Variants in ARHGEF3 observed in about 807,000 individuals in gnomAD.
ARHGEF3 encodes the protein 59.8 kDA protein.
A neutral mutation model predicts 63.2 loss-of-function variants in ARHGEF3; 28 were observed. The ratio of observed to expected loss-of-function variants is 0.44; its 90% CI spans 0.33 to 0.61. The LOEUF is 0.61. Among genes scored for constraint, ARHGEF3 ranks in the 20% least tolerant of loss-of-function variants. The pLI is 0.03. For synonymous variants in ARHGEF3, 266 were observed against 254.2 expected (o/e 1.05, Z -0.44); for missense variants, 533 against 659.3 (o/e 0.81, Z 2.10).
intron 2 of ARHGEF3, among the ~76,000 whole-genome samples, chr3:56,759,412 G>T (rs1010452615): frequency 6.6e-6 from 1 of 152,102 alleles, no homozygotes; most frequent in African/African-American, 2.4e-5. Flanking sequence ...CTCGTGATCC[G>T]CCTGCCTTGG....
intron 1 of ARHGEF3, chr3:57,035,263 G>C: frequency 1.4e-6 from 1 of 698,784 alleles, no homozygotes; most frequent in East Asian, 3.0e-5. Context: ...AATACAAGGG[G>C]AATATATCAA....
At chr3:56,994,742 T>C (rs1253623119) in intron 2 of ARHGEF3, among the ~76,000 whole-genome samples, 1 of 152,006 alleles carries the variant, frequency 6.6e-6, no homozygotes, top group Non-Finnish European at 1.5e-5. Flanking sequence ...TCCAGGACAA[T>C]AGAAGAAAAT....
At chr3:56,980,661 C>A (rs1252271656) in intron 2 of ARHGEF3, among the ~76,000 whole-genome samples, 1 of 152,168 alleles carries the variant, frequency 6.6e-6, no homozygotes, top group Non-Finnish European at 1.5e-5. Context: ...CCTATTAGCC[C>A]ATTAGGAATG....
In ARHGEF3 at chr3:56,878,716, C is replaced by A. The variant is rs527736330; in HGVS notation, c.192+3576G>T. Reference sequence around the variant, plus strand: ...TTCCGGAAAGAGTTAAGTGATGCATCCCCCCAAACAATCGAGGATCCCTGT... The same window carrying A: ...TTCCGGAAAGAGTTAAGTGATGCATACCCCCAAACAATCGAGGATCCCTGT... On this transcript the variant is annotated intron_variant, in intron 4 of 12. Transcript: ENST00000338458. Among the ~76,000 whole-genome samples the A allele has an allele frequency of 5.9e-5, 9 of 152,248 alleles. No homozygotes were observed. In the East Asian group the frequency reaches 1.5e-3, roughly 26 times the overall value.
intron 1 of ARHGEF3, among the ~76,000 whole-genome samples, chr3:57,051,504 G>A (rs547720149): frequency 3.3e-5 from 5 of 152,088 alleles, no homozygotes; most frequent in Non-Finnish European, 7.4e-5. Flanking sequence ...AATAAAAAAT[G>A]TGGTTTTCTT....
chr3:56,916,311 G>A, intron 3 of ARHGEF3: 1 of 1,535,416 alleles, frequency 6.5e-7, no homozygotes, highest in Non-Finnish European at 8.7e-7. Flanking sequence ...GGGCTTACCT[G>A]CGAACGGACA....
rs1199042974 is a variant in ARHGEF3, at chr3:56,728,447, A to C, written c.*823T>G. 6.6e-6 allele frequency: 1 copy of C among 152,648 alleles called. No homozygotes were observed. The highest frequency in any genetic ancestry group is 1.5e-5 in the Non-Finnish European group (1 of 68,050). The allele number at this position is 152,648 out of a possible 1,614,324, so 9.5% of individuals were successfully genotyped here. A position where few individuals can be genotyped will look rare whatever the true frequency, so the allele number is the denominator to read the frequency against. On this transcript the variant is annotated 3_prime_UTR_variant, in exon 10 of 10. Coordinates refer to ENST00000296315, the MANE Select transcript of ARHGEF3 (RefSeq NM_019555.3). ...ATAATGAGTAGGCCTAGGCAGATGA[A>C]ACACAATGAATACAGGGCCTTCTTG...
chr3:56,986,211 G>A (rs1190120587), intron 2 of ARHGEF3, among the ~76,000 whole-genome samples: 9 of 152,172 alleles, frequency 5.9e-5, no homozygotes, highest in Non-Finnish European at 7.3e-5. Flanking sequence ...GAAGTGCAGG[G>A]TCTTTAGGGG....
At chr3:57,064,532 G>A (rs1273366767) in intron 1 of ARHGEF3, among the ~76,000 whole-genome samples, 1 of 152,086 alleles carries the variant, frequency 6.6e-6, no homozygotes, top group Non-Finnish European at 1.5e-5. Flanking sequence ...TGTTGCCAAG[G>A]CTGGTTTTGA....
At chr3:57,002,998 A>G (rs1702319253) in intron 2 of ARHGEF3, among the ~76,000 whole-genome samples, 1 of 151,178 alleles carries the variant, frequency 6.6e-6, no homozygotes, top group African/African-American at 2.4e-5. Flanking sequence ...CCGTCTCCTG[A>G]CCTCAGGTGA....
chr3:57,073,865 A>G lies in ARHGEF3; in HGVS notation c.-28+5361T>C, dbSNP rs142843495. ...GTGCACTGGCATCATGCCAGGGTCC[A>G]GGTGTCCTGCCAGGAGCAGCCTCTG... On this transcript the variant is annotated intron_variant, in intron 1 of 12. Transcript: ENST00000338458. The G allele has an allele frequency of 2.7e-4, 431 of 1,614,238 alleles. 1 individual carries two copies. In the African/African-American group the frequency reaches 4.7e-3, roughly 18 times the overall value.
chr3:56,904,353 A>T (rs1461160172), intron 3 of ARHGEF3, among the ~76,000 whole-genome samples: 3 of 152,132 alleles, frequency 2.0e-5, no homozygotes, highest in African/African-American at 7.2e-5. Flanking sequence ...ATTTGTAGAG[A>T]TGGAGTCTCG....
At chr3:57,047,776 T>C (rs1185566799) in intron 1 of ARHGEF3, among the ~76,000 whole-genome samples, 1 of 152,120 alleles carries the variant, frequency 6.6e-6, no homozygotes, top group African/African-American at 2.4e-5. Flanking sequence ...AGAGGAGACC[T>C]CTGTTGGAAT....
chr3:56,940,522 T>C (rs115560181), intron 3 of ARHGEF3: 56 of 152,266 alleles, frequency 3.7e-4, no homozygotes, highest in African/African-American at 1.3e-3. Flanking sequence ...TGAGCTCCAA[T>C]GTTCCTGGCA....
intron 1 of ARHGEF3, among the ~76,000 whole-genome samples, chr3:57,053,182 A>G (rs764870288): frequency 1.2e-4 from 18 of 152,210 alleles, no homozygotes; most frequent in Admixed American, 1.3e-4. Flanking sequence ...CAGAATTAAG[A>G]AAGGCCACCC....
At chr3:56,997,035 C>A (rs1182196588) in intron 2 of ARHGEF3, among the ~76,000 whole-genome samples, 1 of 152,008 alleles carries the variant, frequency 6.6e-6, no homozygotes, top group East Asian at 1.9e-4. Flanking sequence ...CTAGCCATTA[C>A]AACCCTCCCC....
At chr3:56,797,963 A>T (rs1295388228) in intron 1 of ARHGEF3, among the ~76,000 whole-genome samples, 5 of 152,232 alleles carry the variant, frequency 3.3e-5, no homozygotes, top group Non-Finnish European at 7.3e-5. Context: ...ATCTTGGCTT[A>T]GCTGCTGATT....
chr3:57,026,485 G>A (rs1455097352), intron 2 of ARHGEF3, among the ~76,000 whole-genome samples: 2 of 152,130 alleles, frequency 1.3e-5, no homozygotes, highest in African/African-American at 2.4e-5. Context: ...GGTTGAAAAA[G>A]TTGATTGCCC....
intron 3 of ARHGEF3, among the ~76,000 whole-genome samples, chr3:56,956,554 G>C (rs747475568): frequency 3.3e-5 from 5 of 152,120 alleles, no homozygotes; most frequent in Admixed American, 6.5e-5. Context: ...ATTTTTCAAG[G>C]GAAAACAGTT....
Sources: allele counts gnomAD v4.1 joint callset (sites outside exome capture counted in the v4.1 genomes callset), GRCh38; gene constraint gnomAD v4.1.1; transcripts MANE v1.5; gene names NCBI Gene and HGNC (gene_info 2026-07-23, HGNC 2026-07-21).